Variants in DYNC2LI1 observed in about 807,000 individuals in gnomAD.
The protein encoded by DYNC2LI1 is cytoplasmic dynein 2 light intermediate chain 1.
Under a neutral mutation model 51.9 loss-of-function variants are expected in DYNC2LI1, and 45 were observed. The ratio of observed to expected loss-of-function variants is 0.87; its 90% CI spans 0.68 to 1.11. DYNC2LI1 has a LOEUF of 1.11. DYNC2LI1 is among the 50% of genes most tolerant of loss of function. The pLI, the probability that DYNC2LI1 is intolerant of heterozygous loss-of-function variation, is 0.00. For missense variants in DYNC2LI1, 490 were observed against 417.4 expected (o/e 1.17, Z -1.51); for synonymous variants, 130 against 137.8 (o/e 0.94, Z 0.40).
intron 5 of DYNC2LI1, chr2:43,794,084 TTG>T: frequency 5.4e-6 from 1 of 185,526 alleles, no homozygotes; most frequent in East Asian, 1.5e-4. Context: ...TACCTGATTA[TTG>T]TGTTACTGTT....
downstream of DYNC2LI1, chr2:43,810,433 C>T (rs745634421): frequency 9.1e-6 from 9 of 985,100 alleles, no homozygotes; most frequent in African/African-American, 1.7e-5. Flanking sequence ...TCATGTGTTG[C>T]GGATAACCAG....
At chr2:43,783,123 C>T (rs1000349274) in intron 2 of DYNC2LI1, among the ~76,000 whole-genome samples, 1 of 151,956 alleles carries the variant, frequency 6.6e-6, no homozygotes, top group Non-Finnish European at 1.5e-5. Context: ...TGTATGTTAC[C>T]TTTTTCTTTA....
chr2:43,775,698 T>TC, intron 1 of DYNC2LI1: 1 of 386,924 alleles, frequency 2.6e-6, no homozygotes, highest in South Asian at 1.9e-5. Context: ...TTTTCTTTTT[T>TC]TTTTTTTTAG....
Position 43,776,855 on chromosome 2 carries a change from G to A in DYNC2LI1, c.82G>A (p.Glu28Lys). The A allele has an allele frequency of 3.7e-6, 6 of 1,604,680 alleles. No homozygotes were observed. Among genetic ancestry groups the A allele is most frequent in the Non-Finnish European group, 5.1e-6 (6 of 1,175,720 alleles). Residue 28 changes from glutamate to lysine, a missense_variant, in exon 2 of 13, where the codon GAA (glutamate) becomes AAA (lysine). By Grantham distance (56) the Glu-to-Lys change is moderately conservative (BLOSUM62 1). Transcript: ENST00000260605. ...TAATGGAAGTGAAGGTGATGGAGCT[G>A]AAATTGCAGAAAAATTTGTTTTCTT... is the stretch of plus-strand genomic sequence containing the variant. Reference protein sequence around the residue: ...GINGSEGDGAEIAEKFVFFIG... With the variant: ...GINGSEGDGAKIAEKFVFFIG...
the DYNC2LI1 span, chr2:43,824,546 A>G: frequency 6.3e-7 from 1 of 1,588,152 alleles, no homozygotes; most frequent in East Asian, 2.2e-5. Context: ...TCAAGATAAA[A>G]TTTGTGGTTA....
intron 6 of DYNC2LI1, 74 bp from the exon 7 acceptor site, chr2:43,795,816 G>T: frequency 9.0e-7 from 1 of 1,116,874 alleles, no homozygotes; most frequent in Non-Finnish European, 1.4e-6. Context: ...GAATGTTTTT[G>T]GAAGTAAATA....
At chr2:43,797,968 AT>A (rs1665940766) in intron 8 of DYNC2LI1, among the ~76,000 whole-genome samples, 1 of 152,092 alleles carries the variant, frequency 6.6e-6, no homozygotes, top group South Asian at 2.1e-4. Flanking sequence ...TCTACAAAAA[AT>A]TTTAAAAATT....
the DYNC2LI1 span, chr2:43,824,255 G>T: frequency 1.2e-6 from 2 of 1,614,088 alleles, no homozygotes; most frequent in African/African-American, 1.3e-5. Flanking sequence ...AACTCCAGGA[G>T]AATCTTTGGT....
intron 12 of DYNC2LI1, among the ~76,000 whole-genome samples, chr2:43,807,596 T>C (rs1346655768): frequency 6.6e-6 from 1 of 151,960 alleles, no homozygotes; most frequent in Non-Finnish European, 1.5e-5. Context: ...CACATCACCA[T>C]GCCCGGGTAA....
intron 5 of DYNC2LI1, among the ~76,000 whole-genome samples, chr2:43,791,096 C>T (rs898202473): frequency 6.6e-6 from 1 of 152,182 alleles, no homozygotes; most frequent in Non-Finnish European, 1.5e-5. Flanking sequence ...TAGCAAGCCT[C>T]TGTAGTACCA....
rs1179875129 is a variant in DYNC2LI1, at chr2:43,796,000, G to A, written c.576+42G>A. ...CTAGCTGAGTTTGTTGTACATATAT[G>A]GCTGTGCTTTTTATGAGGGAGGTAC... On this transcript the variant is annotated intron_variant, in intron 7 of 12. Coordinates refer to ENST00000260605, the MANE Select transcript of DYNC2LI1 (RefSeq NM_016008.4). The A allele has an allele frequency of 4.3e-6, 6 of 1,403,104 alleles. No individual in the cohort carries two copies. In the Middle Eastern group the frequency reaches 7.2e-4, roughly 168 times the overall value. The allele number at this position is 1,403,104 out of a possible 1,614,324, so 86.9% of individuals were successfully genotyped here.
At chr2:43,777,963 T>G (rs1023301505) in intron 2 of DYNC2LI1, among the ~76,000 whole-genome samples, 1 of 152,232 alleles carries the variant, frequency 6.6e-6, no homozygotes, top group African/African-American at 2.4e-5. Context: ...AATAAAAAAT[T>G]CTGATAAAAA....
downstream of DYNC2LI1, chr2:43,814,581 T>G (rs1440585100): frequency 1.3e-6 from 2 of 1,583,046 alleles, no homozygotes; most frequent in Non-Finnish European, 1.7e-6. Flanking sequence ...GGGCATTTCT[T>G]GTATGTTTCT....
downstream of DYNC2LI1, among the ~76,000 whole-genome samples, chr2:43,813,771 G>T (rs150321642): frequency 7.2e-3 from 936 of 130,800 alleles, 14 homozygotes; most frequent in African/African-American, 0.024. Flanking sequence ...AGGCTGGAGT[G>T]CAGTGGCTCG....
the DYNC2LI1 span, among the ~76,000 whole-genome samples, chr2:43,816,762 T>C: frequency 6.6e-6 from 1 of 152,214 alleles, no homozygotes; most frequent in African/African-American, 2.4e-5. Context: ...TTATATCTTA[T>C]ACAACAGGAT....
the DYNC2LI1 span, chr2:43,824,939 T>C: frequency 1.9e-5 from 30 of 1,613,972 alleles, no homozygotes; most frequent in Middle Eastern, 6.6e-4. Context: ...ACCGCAGTCA[T>C]TGAAGAAATC....
intron 5 of DYNC2LI1, among the ~76,000 whole-genome samples, chr2:43,791,519 A>G (rs1301421349): frequency 6.6e-6 from 1 of 151,960 alleles, no homozygotes; most frequent in Non-Finnish European, 1.5e-5. Flanking sequence ...CTGCTTTAGG[A>G]GAGAGGAAGG....
intron 12 of DYNC2LI1, among the ~76,000 whole-genome samples, chr2:43,807,098 A>G (rs1434503274): frequency 6.6e-6 from 1 of 152,188 alleles, no homozygotes; most frequent in African/African-American, 2.4e-5. Context: ...AAATTTTGAC[A>G]TTCTACTATA....
At position 43,783,530 on chromosome 2, in the gene DYNC2LI1, C is replaced by T; in HGVS notation, c.137C>T (p.Thr46Ile). 6.5e-7 allele frequency: 1 copy of T among 1,531,718 alleles called. No individual in the cohort carries two copies. The highest frequency in any genetic ancestry group is 8.7e-7 in the Non-Finnish European group (1 of 1,144,990). The allele number at this position is 1,531,718 out of a possible 1,614,324, so 94.9% of individuals were successfully genotyped here. A position where few individuals can be genotyped will look rare whatever the true frequency, so the allele number is the denominator to read the frequency against. Reference sequence around the variant, plus strand: ...TTTTTTAATTTCCAGGGAAAGACTACTATTATTCTAAGGTGTCTTGACAGG... The same window carrying T: ...TTTTTTAATTTCCAGGGAAAGACTATTATTATTCTAAGGTGTCTTGACAGG... ...FIGSKNGGKT[T>I]IILRCLDRDE... The change falls in exon 3 of 13, where the codon ACT becomes ATT. Residue 46 changes from threonine (T) to isoleucine (I), a missense_variant. Transcript: ENST00000260605.
Sources: gnomAD v4.1 joint callset for allele counts (sites outside exome capture counted in the v4.1 genomes callset) on GRCh38, gnomAD v4.1.1 for gene constraint, MANE v1.5 for transcripts, NCBI Gene and HGNC (gene_info 2026-07-23, HGNC 2026-07-21) for gene names.